The following CTTNBP2 variants were observed in gnomAD, a reference collection of about 807,000 sequenced individuals.
The protein encoded by CTTNBP2 is cortactin-binding protein 2.
CTTNBP2 carries 108 observed loss-of-function variants against 156.9 expected under a neutral mutation model. The observed-to-expected ratio is 0.69, with a 90% CI of 0.59 to 0.81. The LOEUF (loss-of-function observed/expected upper bound fraction) is 0.81, where lower values mean the gene tolerates loss of function less well. Among genes scored for constraint, CTTNBP2 ranks in the 30% least tolerant of loss-of-function variants. CTTNBP2 has a pLI of 0.00. For synonymous variants in CTTNBP2, 767 were observed against 751.8 expected, an observed-to-expected ratio of 1.02 and a Z score of -0.33; for missense variants, 1,924 against 2,035.4, an observed-to-expected ratio of 0.95 and a Z score of 1.05.
intron 12 of CTTNBP2, among the ~76,000 whole-genome samples, chr7:117,749,535 A>G (rs2116583397): frequency 6.6e-6 from 1 of 152,342 alleles, no homozygotes; most frequent in South Asian, 2.1e-4. Flanking sequence ...GATGTAGCAC[A>G]GTCTCACTAA....
At chr7:117,806,408 C>T (rs886094879) in intron 3 of CTTNBP2, among the ~76,000 whole-genome samples, 2 of 152,166 alleles carry the variant, frequency 1.3e-5, no homozygotes, top group Non-Finnish European at 2.9e-5. Flanking sequence ...GCATATCTGC[C>T]ACACCACAAA....
chr7:117,768,091 GCACA>G (rs34630353), intron 8 of CTTNBP2, among the ~76,000 whole-genome samples: 69 of 147,856 alleles, frequency 4.7e-4, no homozygotes, highest in Non-Finnish European at 5.7e-4. Flanking sequence ...TCCTGTAAAT[GCACA>G]CACACACACA....
intron 4 of CTTNBP2, among the ~76,000 whole-genome samples, chr7:117,784,678 AATT>A (rs1299126256): frequency 4.6e-5 from 7 of 152,298 alleles, no homozygotes; most frequent in Non-Finnish European, 8.8e-5. Flanking sequence ...CATGGTAAAA[AATT>A]ATTTTTAGTC....
chr7:117,786,848 A>G (rs1005001583), intron 4 of CTTNBP2, among the ~76,000 whole-genome samples: 2 of 152,148 alleles, frequency 1.3e-5, no homozygotes, highest in Non-Finnish European at 2.9e-5. Context: ...CCTATTTTTA[A>G]TAAGTTATCC....
chr7:117,766,160 A>T (rs1797474013), intron 9 of CTTNBP2, among the ~76,000 whole-genome samples: 1 of 152,204 alleles, frequency 6.6e-6, no homozygotes, highest in Non-Finnish European at 1.5e-5. Context: ...GCTTGTAATA[A>T]GAGAACTATT....
In CTTNBP2 at chr7:117,711,138, C is replaced by CT. The variant is rs1264373325; in HGVS notation, c.*398dup. 6.5e-6 allele frequency: 1 copy of CT among 154,238 alleles called. No homozygotes were observed. Among genetic ancestry groups the CT allele is most frequent in the Non-Finnish European group, 1.4e-5 (1 of 69,226 alleles). 9.6% of individuals were successfully genotyped at this position (154,238 alleles called of 1,614,324 possible). A position where few individuals can be genotyped will look rare whatever the true frequency, so the allele number is the denominator to read the frequency against. On this transcript the variant is annotated 3_prime_UTR_variant, in exon 23 of 23. Transcript: ENST00000160373. ...ACAAGTTATCTAAGCCAACTTTGTA[C>CT]TTTTTTGCTACTTTTTTGTAGCATG... is the stretch of plus-strand genomic sequence containing the variant.
At chr7:117,754,065 C>G in intron 12 of CTTNBP2, among the ~76,000 whole-genome samples, 1 of 152,294 alleles carries the variant, frequency 6.6e-6, no homozygotes, top group East Asian at 1.9e-4. Flanking sequence ...GCTTCCTATC[C>G]ACTTGGAGTA....
intron 2 of CTTNBP2, among the ~76,000 whole-genome samples, chr7:117,815,997 T>C (rs1438932920): frequency 6.6e-6 from 1 of 152,206 alleles, no homozygotes; most frequent in Non-Finnish European, 1.5e-5. Flanking sequence ...AAAGGTAGCA[T>C]CTAACAGACT....
At chr7:117,828,278 A>T (rs1801409977) in intron 2 of CTTNBP2, among the ~76,000 whole-genome samples, 1 of 152,192 alleles carries the variant, frequency 6.6e-6, no homozygotes, top group South Asian at 2.1e-4. Context: ...CATGGGGCAG[A>T]CTAGAAAGCA....
chr7:117,854,779 A>T (rs12536571), intron 2 of CTTNBP2, among the ~76,000 whole-genome samples: 72,003 of 151,162 alleles, frequency 0.48, 17,884 homozygotes, highest in African/African-American at 0.61. Context: ...TTAATTAATT[A>T]ATTAATTTAT....
intron 8 of CTTNBP2, among the ~76,000 whole-genome samples, chr7:117,773,079 C>G (rs35018341): frequency 0.052 from 7,949 of 152,186 alleles, 327 homozygotes; most frequent in African/African-American, 0.1. Flanking sequence ...GTTCAAAGAA[C>G]AGATTTCTAT....
chr7:117,843,351 G>A (rs575210637), intron 2 of CTTNBP2, among the ~76,000 whole-genome samples: 1 of 152,288 alleles, frequency 6.6e-6, no homozygotes, highest in Admixed American at 6.5e-5. Context: ...AATAAAGCAA[G>A]AAAGGATGGA....
intron 19 of CTTNBP2, among the ~76,000 whole-genome samples, chr7:117,722,193 C>A (rs907393906): frequency 6.6e-6 from 1 of 151,504 alleles, no homozygotes; most frequent in African/African-American, 2.4e-5. Flanking sequence ...AAGAAATGGG[C>A]TGTCTCTTTA....
intron 8 of CTTNBP2, among the ~76,000 whole-genome samples, chr7:117,767,465 G>A (rs1286738063): frequency 6.6e-6 from 1 of 152,184 alleles, no homozygotes. Flanking sequence ...CACTCAGTCT[G>A]CAGATTGAAA....
chr7:117,738,012 TGATCCATATA>T (rs1795800498), intron 14 of CTTNBP2, among the ~76,000 whole-genome samples: 1 of 152,240 alleles, frequency 6.6e-6, no homozygotes, highest in Non-Finnish European at 1.5e-5. Context: ...AGCTAAAAGC[TGATCCATATA>T]GCAAGTCGGG....
At chr7:117,780,362 T>C in intron 7 of CTTNBP2, 79 bp downstream of exon 7, 1 of 966,418 alleles carries the variant, frequency 1.0e-6, no homozygotes, top group Middle Eastern at 2.3e-4. Context: ...TTTTAATTTA[T>C]TTTGTTTTTC....
chr7:117,833,271 TCTC>T (rs990762986), intron 2 of CTTNBP2, among the ~76,000 whole-genome samples: 1 of 152,132 alleles, frequency 6.6e-6, no homozygotes, highest in African/African-American at 2.4e-5. Flanking sequence ...GGGCCATGCT[TCTC>T]CTCACTCTCT....
intron 4 of CTTNBP2, 31 bp from the exon 5 acceptor site, chr7:117,784,485 T>C: frequency 1.3e-6 from 2 of 1,500,230 alleles, no homozygotes; most frequent in Non-Finnish European, 1.8e-6. Flanking sequence ...CGTTAGAGAG[T>C]AGGAGCAAGG....
At chr7:117,802,475 A>G (rs1341949137) in intron 3 of CTTNBP2, among the ~76,000 whole-genome samples, 1 of 151,416 alleles carries the variant, frequency 6.6e-6, no homozygotes, top group East Asian at 1.9e-4. Flanking sequence ...AAACAAACAA[A>G]AAAACAAAAA....
Sources: gnomAD v4.1 joint callset for allele counts (sites outside exome capture counted in the v4.1 genomes callset) on GRCh38, gnomAD v4.1.1 for gene constraint, MANE v1.5 for transcripts, NCBI Gene and HGNC (gene_info 2026-07-23, HGNC 2026-07-21) for gene names.